Variants in MIGA1 observed in about 807,000 individuals in gnomAD.
The protein encoded by MIGA1 is family with sequence similarity 73, member A.
In MIGA1, 58 loss-of-function variants were observed where a neutral mutation model predicts 82.0. That is an observed-to-expected ratio of 0.71 (90% CI 0.57 to 0.88). MIGA1 has a LOEUF of 0.88. Among genes scored for constraint, MIGA1 ranks in the 40% least tolerant of loss-of-function variants. The probability of loss-of-function intolerance (pLI) is 0.00; values close to 1 mark genes in which losing one functional copy is unlikely to be tolerated. For missense variants in MIGA1, 751 were observed against 749.1 expected (o/e 1.00, Z -0.03); for synonymous variants, 249 against 253.6 (o/e 0.98, Z 0.17).
At chr1:77,797,485 T>G (rs1682703366) in intron 2 of MIGA1, among the ~76,000 whole-genome samples, 1 of 152,216 alleles carries the variant, frequency 6.6e-6, no homozygotes, top group African/African-American at 2.4e-5. Flanking sequence ...CTTTTGCCTT[T>G]TCTTAATTTT....
At chr1:77,837,113 G>T (rs1684463354) in intron 7 of MIGA1, among the ~76,000 whole-genome samples, 1 of 152,160 alleles carries the variant, frequency 6.6e-6, no homozygotes, top group South Asian at 2.1e-4. Flanking sequence ...AACAACAAAT[G>T]CTCTAACAGC....
chr1:77,873,092 C>A lies in MIGA1; in HGVS notation c.1652C>A (p.Ser551Tyr). Reference sequence around the variant, plus strand: ...TGGGGCTTTTTGGGTCCTAGAAATTCTCTGTATGATTTATGTTGCTTTTTT... The same window carrying A: ...TGGGGCTTTTTGGGTCCTAGAAATTATCTGTATGATTTATGTTGCTTTTTT... The change falls in exon 15 of 16, where the codon TCT becomes TAT. Residue 551 changes from serine (S) to tyrosine (Y), a missense_variant. Physicochemically the swap from Ser to Tyr is moderately radical, Grantham distance 144 (BLOSUM62 -2). Around this residue, in one of 3 missense-constraint regions of MIGA1, gnomAD observed 265 missense variants for 293.6 expected, o/e 0.90. Transcript: ENST00000370791. 2 of 1,613,456 alleles carry A rather than the reference C, an allele frequency of 1.2e-6. No individual in the cohort carries two copies. The highest frequency in any genetic ancestry group is 8.5e-7 in the Non-Finnish European group (1 of 1,179,518).
intron 7 of MIGA1, among the ~76,000 whole-genome samples, chr1:77,839,388 T>A (rs1052207484): frequency 3.3e-5 from 5 of 152,028 alleles, no homozygotes; most frequent in African/African-American, 1.2e-4. Context: ...TTCTTTTTTT[T>A]TAGAGACAGT....
At chr1:77,860,993 T>C (rs1685436090) in intron 11 of MIGA1, 1 of 423,202 alleles carries the variant, frequency 2.4e-6, no homozygotes, top group Non-Finnish European at 4.2e-6. Context: ...GCATACATAT[T>C]TGAGTAATAA....
chr1:77,867,485 G>A (rs957489834), intron 14 of MIGA1, among the ~76,000 whole-genome samples: 1 of 152,128 alleles, frequency 6.6e-6, no homozygotes, highest in Non-Finnish European at 1.5e-5. Context: ...ACACCACCAT[G>A]CCTGGCTGAT....
intron 13 of MIGA1, among the ~76,000 whole-genome samples, chr1:77,865,924 T>C (rs2101957448): frequency 6.6e-6 from 1 of 152,266 alleles, no homozygotes; most frequent in Non-Finnish European, 1.5e-5. Flanking sequence ...TGTTTGTTTG[T>C]TTGTTTTGAG....
At chr1:77,832,072 A>G (rs969011534) in intron 7 of MIGA1, among the ~76,000 whole-genome samples, 2 of 152,220 alleles carry the variant, frequency 1.3e-5, no homozygotes, top group African/African-American at 4.8e-5. Flanking sequence ...TATGTACAGT[A>G]GTAGTATTAG....
intron 1 of MIGA1, among the ~76,000 whole-genome samples, chr1:77,781,395 A>G (rs111941018): frequency 2.0e-5 from 3 of 152,310 alleles, no homozygotes; most frequent in African/African-American, 7.2e-5. Context: ...TAATTAGTAA[A>G]AATGTTTCTC....
intron 2 of MIGA1, among the ~76,000 whole-genome samples, chr1:77,798,273 C>T (rs532504286): frequency 1.3e-5 from 2 of 152,290 alleles, no homozygotes; most frequent in South Asian, 4.1e-4. Flanking sequence ...TTTCCAGCTT[C>T]TGGTGACTCC....
rs1227934497 is a variant in MIGA1 at position 77,877,910 on chromosome 1, T to C, written c.*2846T>C. On this transcript the variant is annotated 3_prime_UTR_variant, in exon 16 of 16. Transcript: ENST00000370791. ...CAAATTCAGTGTTTGAGTTTGTTTCTGGTCAGTTCAGTAGCTGCTACTTTA... is the reference window on the plus strand; with the variant it reads ...CAAATTCAGTGTTTGAGTTTGTTTCCGGTCAGTTCAGTAGCTGCTACTTTA... 1 of 152,612 alleles carries C rather than the reference T, an allele frequency of 6.6e-6. No individual in the cohort carries two copies. Among genetic ancestry groups the C allele is most frequent in the Non-Finnish European group, 1.5e-5 (1 of 68,034 alleles). The allele number at this position is 152,612 out of a possible 1,614,324, so 9.5% of individuals were successfully genotyped here.
intron 2 of MIGA1, among the ~76,000 whole-genome samples, chr1:77,790,678 C>A (rs548817810): frequency 1.3e-5 from 2 of 151,900 alleles, no homozygotes; most frequent in African/African-American, 2.4e-5. Flanking sequence ...CCTCCACATC[C>A]CAGGTTCAAG....
At chr1:77,855,631 G>C (rs1685222238) in intron 8 of MIGA1, among the ~76,000 whole-genome samples, 2 of 151,838 alleles carry the variant, frequency 1.3e-5, no homozygotes, top group Admixed American at 6.6e-5. Context: ...ATATTCCTAA[G>C]TATTTTATTT....
At chr1:77,861,413 A>G in intron 12 of MIGA1, 91 bp downstream of exon 12, 3 of 838,204 alleles carry the variant, frequency 3.6e-6, no homozygotes, top group Non-Finnish European at 5.9e-6. Flanking sequence ...TGTCCTTGTT[A>G]AATAAAGCCA....
In MIGA1 at chr1:77,801,478, G is replaced by C. The variant is rs140911803; in HGVS notation, c.343G>C (p.Glu115Gln). ...ATGGGAACCAGAGCACCTCATACTT[G>C]AATACACTAAAAGAGCAGCATCAGA... Residue 115 changes from glutamate (E) to glutamine (Q), a missense_variant, in exon 3 of 16, where the codon GAA becomes CAA. This residue lies in a region of MIGA1 where 482 missense variants were observed against 439.4 expected (regional missense o/e 1.10). Transcript: ENST00000370791. 1.4e-3 allele frequency: 2,285 copies of C among 1,602,742 alleles called. 5 individuals carry two copies. Among genetic ancestry groups the C allele is most frequent in the Non-Finnish European group, 1.8e-3 (2,071 of 1,177,864 alleles).
At chr1:77,869,306 G>T (rs1685803691) in intron 14 of MIGA1, among the ~76,000 whole-genome samples, 1 of 143,462 alleles carries the variant, frequency 7.0e-6, no homozygotes, top group Non-Finnish European at 1.5e-5. Flanking sequence ...ATTTTTCTTA[G>T]TACAGAACAA....
At chr1:77,788,096 G>C (rs1476257853) in intron 2 of MIGA1, among the ~76,000 whole-genome samples, 2 of 152,164 alleles carry the variant, frequency 1.3e-5, no homozygotes, top group Admixed American at 6.5e-5. Flanking sequence ...TCCGCCTCCT[G>C]GGTTCAAGCA....
At chr1:77,786,239 C>T (rs145001183) in intron 2 of MIGA1, among the ~76,000 whole-genome samples, 5,144 of 152,298 alleles carry the variant, frequency 0.034, 125 homozygotes, top group Non-Finnish European at 0.051. Flanking sequence ...GCACACAGCA[C>T]GGGGACACTG....
intron 7 of MIGA1, among the ~76,000 whole-genome samples, chr1:77,829,631 G>A (rs921330028): frequency 3.3e-5 from 5 of 150,658 alleles, no homozygotes; most frequent in Middle Eastern, 3.4e-3. Context: ...ACCACGCCCA[G>A]CTAATTTTTT....
intron 2 of MIGA1, among the ~76,000 whole-genome samples, chr1:77,787,808 C>T (rs540992024): frequency 1.3e-5 from 2 of 150,036 alleles, no homozygotes; most frequent in Admixed American, 6.6e-5. Context: ...CTGTGAATTA[C>T]TTTTCTTTTC....
Sources: gnomAD v4.1 joint callset for allele counts (sites outside exome capture counted in the v4.1 genomes callset) on GRCh38, gnomAD v4.1.1 for gene constraint, gnomAD v4.1.1 regional missense constraint, MANE v1.5 for transcripts, NCBI Gene and HGNC (gene_info 2026-07-23, HGNC 2026-07-21) for gene names.